The following SNTG1 variants were observed in gnomAD, a reference collection of about 807,000 sequenced individuals.
SNTG1 encodes the protein gamma-1-syntrophin.
In SNTG1, 39 loss-of-function variants were observed where a neutral mutation model predicts 74.7. The ratio of observed to expected loss-of-function variants is 0.52; its 90% confidence interval spans 0.40 to 0.68. The LOEUF is 0.68. SNTG1 is among the 30% of genes least tolerant of loss of function. The pLI is 0.00. For synonymous variants in SNTG1, 254 were observed against 217.1 expected (o/e 1.17, Z -1.49); for missense variants, 685 against 609.5 (o/e 1.12, Z -1.30).
At chr8:50,276,924 G>A (rs559730242) in intron 2 of SNTG1, among the ~76,000 whole-genome samples, 36 of 151,848 alleles carry the variant, frequency 2.4e-4, no homozygotes, top group East Asian at 1.4e-3. Flanking sequence ...TGCAAGCTCC[G>A]CCTCCCACCA....
At chr8:50,031,476 T>A (rs6999728) in intron 1 of SNTG1, among the ~76,000 whole-genome samples, 134,617 of 151,998 alleles carry the variant, frequency 0.89, 59,732 homozygotes, top group East Asian at 0.99. Flanking sequence ...TTTCGTAGAT[T>A]CTCTTTATCA....
intron 18 of SNTG1, among the ~76,000 whole-genome samples, chr8:50,776,759 T>C (rs2095641974): frequency 6.6e-6 from 1 of 151,848 alleles, no homozygotes; most frequent in African/African-American, 2.4e-5. Flanking sequence ...AGCCATGCTT[T>C]TAGGATAGGT....
intron 12 of SNTG1, among the ~76,000 whole-genome samples, chr8:50,555,170 C>A (rs1311931058): frequency 6.6e-6 from 1 of 152,142 alleles, no homozygotes; most frequent in Non-Finnish European, 1.5e-5. Context: ...AATAAGTGCT[C>A]ACCGTCATAT....
chr8:50,783,468 A>T (rs113970680), intron 18 of SNTG1, among the ~76,000 whole-genome samples: 12,066 of 152,236 alleles, frequency 0.079, 527 homozygotes, highest in Non-Finnish European at 0.098. Context: ...GCTAGCAATC[A>T]GGGAGACTCC....
At chr8:50,071,897 A>C (rs1478090782) in intron 1 of SNTG1, among the ~76,000 whole-genome samples, 3 of 151,882 alleles carry the variant, frequency 2.0e-5, no homozygotes, top group Non-Finnish European at 2.9e-5. Context: ...AGAGATAAGC[A>C]TCAGGAATAA....
intron 11 of SNTG1, among the ~76,000 whole-genome samples, chr8:50,541,149 C>T (rs1466808694): frequency 4.0e-5 from 6 of 151,570 alleles, no homozygotes; most frequent in African/African-American, 1.5e-4. Context: ...TTTTCATTTA[C>T]TCTTATTATC....
At chr8:50,375,971 A>T (rs1481096867) in intron 2 of SNTG1, among the ~76,000 whole-genome samples, 1 of 152,202 alleles carries the variant, frequency 6.6e-6, no homozygotes, top group Non-Finnish European at 1.5e-5. Context: ...TTCAGGGGAA[A>T]GGCAAATAAA....
At chr8:50,154,474 C>T (rs750654829) in intron 1 of SNTG1, among the ~76,000 whole-genome samples, 7 of 152,076 alleles carry the variant, frequency 4.6e-5, no homozygotes, top group East Asian at 1.9e-4. Flanking sequence ...TGAGATGAAC[C>T]GGGTACCTCA....
intron 13 of SNTG1, among the ~76,000 whole-genome samples, chr8:50,629,453 T>C (rs1185916797): frequency 6.6e-6 from 1 of 152,104 alleles, no homozygotes; most frequent in African/African-American, 2.4e-5. Context: ...GATATTAGGA[T>C]AATTCTCTGA....
chr8:50,781,235 C>T (rs1396665939), intron 18 of SNTG1, among the ~76,000 whole-genome samples: 4 of 152,126 alleles, frequency 2.6e-5, no homozygotes, highest in African/African-American at 9.7e-5. Context: ...TGGTGCAGAG[C>T]TGAGTTCAAT....
rs758701770 is a variant in SNTG1 at position 50,657,032 on chromosome 8, G to A, written c.966+7G>A. 3 of 1,499,174 alleles carry A rather than the reference G, an allele frequency of 2.0e-6. No homozygotes were observed. The South Asian group carries it at 4.1e-5, about 20-fold the overall frequency. The allele number at this position is 1,499,174 out of a possible 1,614,324, so 92.9% of individuals were successfully genotyped here. On this transcript the variant is annotated splice_region_variant and intron_variant, in intron 14 of 18. Coordinates refer to ENST00000642720, the MANE Select transcript of SNTG1 (RefSeq NM_018967.5). ...CAAGTTTCTGGCACCTCCAGTACGT[G>A]TTTTATTGAAATGTATTGGTCGTTT... is the stretch of plus-strand genomic sequence containing the variant.
chr8:50,611,595 A>T (rs1291827187), intron 13 of SNTG1, among the ~76,000 whole-genome samples: 1 of 152,154 alleles, frequency 6.6e-6, no homozygotes, highest in East Asian at 1.9e-4. Context: ...GCATTGAAGA[A>T]TGTATTTTGC....
chr8:50,006,251 G>A (rs58638825), intron 1 of SNTG1, among the ~76,000 whole-genome samples: 4,013 of 152,124 alleles, frequency 0.026, 198 homozygotes, highest in African/African-American at 0.09. Context: ...GTGAGCCACC[G>A]TGCCCGGCCT....
intron 1 of SNTG1, among the ~76,000 whole-genome samples, chr8:50,080,266 T>C (rs1344961928): frequency 6.6e-6 from 1 of 152,214 alleles, no homozygotes; most frequent in Non-Finnish European, 1.5e-5. Flanking sequence ...TTGTCTGTTA[T>C]TGATAAAACT....
intron 1 of SNTG1, among the ~76,000 whole-genome samples, chr8:49,960,253 C>T (rs1304412594): frequency 6.6e-6 from 1 of 152,110 alleles, no homozygotes; most frequent in East Asian, 1.9e-4. Context: ...CAATTTGTAT[C>T]GATTTAATGT....
At chr8:50,662,187 G>A (rs983829211) in intron 15 of SNTG1, among the ~76,000 whole-genome samples, 1 of 152,136 alleles carries the variant, frequency 6.6e-6, no homozygotes, top group African/African-American at 2.4e-5. Flanking sequence ...TCTGATGCAA[G>A]CTGTGCAAGT....
At chr8:50,173,722 C>T (rs2082889425) in intron 2 of SNTG1, among the ~76,000 whole-genome samples, 1 of 152,096 alleles carries the variant, frequency 6.6e-6, no homozygotes, top group Non-Finnish European at 1.5e-5. Flanking sequence ...ACATGGAAGC[C>T]ACATTGTGCT....
At chr8:50,450,424 C>T (rs1382289799) in intron 6 of SNTG1, 132 bp from the exon 7 acceptor site, 5 of 887,064 alleles carry the variant, frequency 5.6e-6, no homozygotes, top group Middle Eastern at 3.5e-4. Flanking sequence ...TTTTGTGGAT[C>T]TTTTAAGATG....
At chr8:50,430,207 C>T (rs1242098800) in intron 4 of SNTG1, among the ~76,000 whole-genome samples, 4 of 152,080 alleles carry the variant, frequency 2.6e-5, no homozygotes, top group African/African-American at 9.7e-5. Flanking sequence ...CATTGAATTG[C>T]ACGCTTTAAA....
Sources: gnomAD v4.1 joint callset for allele counts (sites outside exome capture counted in the v4.1 genomes callset) on GRCh38, gnomAD v4.1.1 for gene constraint, MANE v1.5 for transcripts, NCBI Gene and HGNC (gene_info 2026-07-23, HGNC 2026-07-21) for gene names.